CDH4: variants seen among roughly 807,000 people sequenced by gnomAD.
The protein encoded by CDH4 is cadherin 4, also known as cadherin-4.
CDH4 carries 33 observed loss-of-function variants against 86.0 expected under a neutral mutation model. That is an observed-to-expected ratio of 0.38 (90% CI 0.29 to 0.51). The LOEUF (loss-of-function observed/expected upper bound fraction) is 0.51, where lower values mean the gene tolerates loss of function less well. Among genes scored for constraint, CDH4 ranks in the 20% least tolerant of loss-of-function variants. The pLI is 0.86. For missense variants in CDH4, 1,114 were observed against 1,307.4 expected, an observed-to-expected ratio of 0.85 and a Z score of 2.28; for synonymous variants, 555 against 549.4, an observed-to-expected ratio of 1.01 and a Z score of -0.14.
chr20:61,723,840 G>A (rs2088072841), intron 2 of CDH4, among the ~76,000 whole-genome samples: 1 of 152,142 alleles, frequency 6.6e-6, no homozygotes, highest in Non-Finnish European at 1.5e-5. Context: ...AAGTGAACAT[G>A]AGCCAGACGT....
intron 2 of CDH4, among the ~76,000 whole-genome samples, chr20:61,409,548 G>A (rs972057903): frequency 5.9e-5 from 9 of 152,154 alleles, no homozygotes; most frequent in African/African-American, 1.7e-4. Flanking sequence ...ACTCACCGTC[G>A]CCACCGCCCT....
chr20:61,253,655 G>A (rs1243514203), intron 1 of CDH4, among the ~76,000 whole-genome samples: 3 of 152,186 alleles, frequency 2.0e-5, no homozygotes, highest in Non-Finnish European at 4.4e-5. Context: ...GAGCTTCGTG[G>A]CCGATGAAGA....
chr20:61,416,157 A>G (rs2085145975), intron 2 of CDH4, among the ~76,000 whole-genome samples: 1 of 151,668 alleles, frequency 6.6e-6, no homozygotes, highest in Admixed American at 6.6e-5. Flanking sequence ...GTGTGCTACC[A>G]CACCTGGCTA....
chr20:61,910,741 C>A, intron 9 of CDH4, 134 bp downstream of exon 9: 1 of 802,202 alleles, frequency 1.2e-6, no homozygotes, highest in Non-Finnish European at 2.0e-6. Flanking sequence ...AGGCAGGTAA[C>A]CCAACCTGCT....
At chr20:61,669,290 G>A (rs928281883) in intron 2 of CDH4, among the ~76,000 whole-genome samples, 3 of 152,208 alleles carry the variant, frequency 2.0e-5, no homozygotes, top group East Asian at 1.9e-4. Flanking sequence ...CCCACACAGC[G>A]AGCACCACAA....
chr20:61,299,135 G>C (rs1050060674), intron 2 of CDH4, among the ~76,000 whole-genome samples: 5 of 152,168 alleles, frequency 3.3e-5, no homozygotes, highest in Non-Finnish European at 5.9e-5. Flanking sequence ...ATCAGGGTGG[G>C]CCCTAAATCC....
intron 2 of CDH4, among the ~76,000 whole-genome samples, chr20:61,693,219 C>T (rs2087678433): frequency 6.6e-6 from 1 of 152,226 alleles, no homozygotes; most frequent in Non-Finnish European, 1.5e-5. Context: ...AGGCCTGTCC[C>T]TGATGCTTTC....
At chr20:61,844,218 G>A (rs1399549151) in intron 4 of CDH4, among the ~76,000 whole-genome samples, 3 of 152,076 alleles carry the variant, frequency 2.0e-5, no homozygotes, top group African/African-American at 7.2e-5. Context: ...CTTGGGACCC[G>A]GATAACCATC....
intron 2 of CDH4, among the ~76,000 whole-genome samples, chr20:61,262,838 T>G: frequency 7.9e-6 from 1 of 127,076 alleles, no homozygotes; most frequent in South Asian, 3.3e-4. Context: ...TCCCTCCCCT[T>G]CCCCTCCCTC....
chr20:61,726,674 T>A (rs1051255476), intron 2 of CDH4, among the ~76,000 whole-genome samples: 7 of 151,052 alleles, frequency 4.6e-5, no homozygotes, highest in African/African-American at 1.7e-4. Context: ...ACTGCCATCA[T>A]CACCATCAGA....
Position 61,743,757 on chromosome 20 carries a change from G to T in CDH4, c.364G>T (p.Ala122Ser), listed in dbSNP as rs1295372107. The change falls in exon 3 of 16, where the codon GCC becomes TCC. Residue 122 changes from alanine (A) to serine (S), a missense_variant. Ala to Ser is a moderately conservative substitution (Grantham distance 99). Coordinates refer to ENST00000614565, the MANE Select transcript of CDH4 (RefSeq NM_001794.5). ...KWDAVVRLLVAQTSSPHSGHK... is the reference protein window; with the variant it reads ...KWDAVVRLLVSQTSSPHSGHK... ...GGACGCCGTGGTGCGGTTGCTGGTG[G>T]CCCAGACCTCGTCCCCGCACTCTGG... is the stretch of plus-strand genomic sequence containing the variant. 1 of 1,608,694 alleles carries T rather than the reference G, an allele frequency of 6.2e-7. No homozygotes were observed. The highest frequency in any genetic ancestry group is 8.5e-7 in the Non-Finnish European group (1 of 1,177,996).
At chr20:61,264,019 C>T (rs1048472683) in intron 2 of CDH4, among the ~76,000 whole-genome samples, 6 of 152,104 alleles carry the variant, frequency 3.9e-5, no homozygotes, top group Non-Finnish European at 5.9e-5. Flanking sequence ...GATAATCTCC[C>T]GTTGCAAGAC....
intron 2 of CDH4, among the ~76,000 whole-genome samples, chr20:61,614,128 G>C (rs138225309): frequency 1.3e-5 from 2 of 152,170 alleles, no homozygotes; most frequent in East Asian, 3.9e-4. Flanking sequence ...CAAGTGTTAC[G>C]AGTGTCTCTA....
intron 2 of CDH4, among the ~76,000 whole-genome samples, chr20:61,347,747 T>C: frequency 6.6e-6 from 1 of 152,204 alleles, no homozygotes; most frequent in East Asian, 1.9e-4. Flanking sequence ...GCCTTCTTTG[T>C]CTCATAACAT....
Position 61,830,745 on chromosome 20 carries a change from G to C in CDH4, c.577-13923G>C, listed in dbSNP as rs115323263. On this transcript the variant is annotated intron_variant, in intron 4 of 15. Transcript: ENST00000614565. ...GCCCTGCAGAGCGGCAGGAGCGGGC[G>C]GCGCTGGCTTCACTCCGCGGTCATT... Among the ~76,000 whole-genome samples, 284 of 152,348 alleles carry C rather than the reference G, an allele frequency of 1.9e-3. 3 individuals are homozygous for C. Among genetic ancestry groups the C allele is most frequent in the East Asian group, 0.013 (67 of 5,182 alleles).
intron 2 of CDH4, among the ~76,000 whole-genome samples, chr20:61,322,923 A>G (rs2427082): frequency 0.41 from 61,929 of 151,906 alleles, 13,286 homozygotes; most frequent in East Asian, 0.48. Context: ...TTTATGTCCC[A>G]GGCTGTCAGG....
At chr20:61,340,553 A>G (rs1398798023) in intron 2 of CDH4, among the ~76,000 whole-genome samples, 2 of 152,144 alleles carry the variant, frequency 1.3e-5, no homozygotes, top group African/African-American at 4.8e-5. Flanking sequence ...AGAGTGGGCC[A>G]TAAAACAAGT....
chr20:61,592,662 A>C (rs2253803), intron 2 of CDH4, among the ~76,000 whole-genome samples: 117,500 of 151,902 alleles, frequency 0.77, 45,493 homozygotes, highest in Admixed American at 0.84. Context: ...CCGAGATAAC[A>C]ACCAGTATAC....
intron 2 of CDH4, among the ~76,000 whole-genome samples, chr20:61,354,828 G>A (rs1469227782): frequency 6.6e-6 from 1 of 152,206 alleles, no homozygotes; most frequent in Non-Finnish European, 1.5e-5. Flanking sequence ...GAACCTGCCA[G>A]GGGTGCAGGA....
Sources: allele counts gnomAD v4.1 joint callset (sites outside exome capture counted in the v4.1 genomes callset), GRCh38; gene constraint gnomAD v4.1.1; transcripts MANE v1.5; gene names NCBI Gene and HGNC (gene_info 2026-07-23, HGNC 2026-07-21).